Variants in CFAP69 observed in about 807,000 individuals in gnomAD.
CFAP69 encodes cilia- and flagella-associated protein 69.
Under a neutral mutation model 123.0 loss-of-function variants are expected in CFAP69, and 92 were observed. That is an observed-to-expected ratio of 0.75 (90% CI 0.63 to 0.89). The LOEUF (loss-of-function observed/expected upper bound fraction) is 0.89, where lower values mean the gene tolerates loss of function less well. Among genes scored for constraint, CFAP69 ranks in the 40% least tolerant of loss-of-function variants. The pLI, the probability that CFAP69 is intolerant of heterozygous loss-of-function variation, is 0.00. For missense variants in CFAP69, 1,067 were observed against 1,096.9 expected, an observed-to-expected ratio of 0.97 and a Z score of 0.39; for synonymous variants, 380 against 364.3, an observed-to-expected ratio of 1.04 and a Z score of -0.49.
chr7:90,296,285 A>G (rs1325445814), intron 15 of CFAP69, among the ~76,000 whole-genome samples: 2 of 152,112 alleles, frequency 1.3e-5, no homozygotes, highest in East Asian at 1.9e-4. Context: ...TCTGAGCCCA[A>G]TATAATTGAC....
At chr7:90,247,161 T>C (rs1796430304) in intron 1 of CFAP69, among the ~76,000 whole-genome samples, 2 of 152,032 alleles carry the variant, frequency 1.3e-5, no homozygotes, top group Middle Eastern at 3.2e-3. Flanking sequence ...AGCCTTCTTG[T>C]TTTTTGCCTG....
intron 11 of CFAP69, among the ~76,000 whole-genome samples, chr7:90,277,903 C>G (rs1466747869): frequency 2.0e-5 from 3 of 152,026 alleles, no homozygotes; most frequent in Non-Finnish European, 4.4e-5. Flanking sequence ...GAAAAATTAC[C>G]TCGTCTATCT....
chr7:90,306,216 G>A (rs542382933), intron 19 of CFAP69, among the ~76,000 whole-genome samples: 2 of 151,970 alleles, frequency 1.3e-5, no homozygotes, highest in Non-Finnish European at 2.9e-5. Flanking sequence ...TCAGCCCAAA[G>A]ATGAATTTTT....
At chr7:90,299,748 C>T in intron 16 of CFAP69, 119 bp from the exon 17 acceptor site, 4 of 794,358 alleles carry the variant, frequency 5.0e-6, no homozygotes, top group South Asian at 2.2e-5. Flanking sequence ...GGAGATTTTC[C>T]TGACTCTGAG....
chr7:90,289,539 T>C (rs1790806275), intron 15 of CFAP69, among the ~76,000 whole-genome samples: 1 of 152,182 alleles, frequency 6.6e-6, no homozygotes, highest in African/African-American at 2.4e-5. Context: ...TTTTCTGTTA[T>C]ATGTTTGTCA....
At chr7:90,320,132 T>A in the CFAP69 span, among the ~76,000 whole-genome samples, 6 of 152,230 alleles carry the variant, frequency 3.9e-5, no homozygotes, top group Non-Finnish European at 7.3e-5. Flanking sequence ...CCAAGACTCC[T>A]ACCTACCACA....
At chr7:90,291,072 C>T (rs923268217) in intron 15 of CFAP69, among the ~76,000 whole-genome samples, 1 of 151,876 alleles carries the variant, frequency 6.6e-6, no homozygotes, top group Non-Finnish European at 1.5e-5. Context: ...TGATCCAGAC[C>T]GAAAGAGAGG....
At chr7:90,260,532 T>C (rs1022702738) in intron 3 of CFAP69, among the ~76,000 whole-genome samples, 1 of 151,516 alleles carries the variant, frequency 6.6e-6, no homozygotes, top group Non-Finnish European at 1.5e-5. Flanking sequence ...ATCCTGTCTC[T>C]AAAAAAAAGA....
rs17865475 is a variant in CFAP69, at chr7:90,307,778, C to T, written c.2474C>T (p.Thr825Met). The T allele has an allele frequency of 1.0e-3, 1,633 of 1,601,618 alleles. 27 individuals are homozygous for T. The African/African-American group carries it at 0.019, about 18-fold the overall frequency. ...EQKVYAKIQATHKQRELANKS... is the reference protein window; with the variant it reads ...EQKVYAKIQAMHKQRELANKS... ...TCTTTCTCATTTCAGATACAGGCCA[C>T]GCACAAGCAAAGAGAGCTGGCTAAT... The change falls in exon 21 of 23, where the codon ACG (threonine) becomes ATG (methionine). Residue 825 changes from threonine (T) to methionine (M), a missense_variant. Transcript: ENST00000389297.
chr7:90,258,503 C>A (rs1797923874), intron 3 of CFAP69, among the ~76,000 whole-genome samples: 1 of 152,136 alleles, frequency 6.6e-6, no homozygotes, highest in African/African-American at 2.4e-5. Context: ...GTCGTCACAT[C>A]ATCTTCTCTG....
At chr7:90,266,060 AG>A (rs1799118884) in intron 5 of CFAP69, 1 of 152,192 alleles carries the variant, frequency 6.6e-6, no homozygotes, top group African/African-American at 2.4e-5. Flanking sequence ...TTATTTGTAC[AG>A]GAGGAATAAA....
chr7:90,250,219 AG>A (rs1796827660), intron 1 of CFAP69, among the ~76,000 whole-genome samples: 1 of 151,112 alleles, frequency 6.6e-6, no homozygotes, highest in South Asian at 2.1e-4. Context: ...AGAGAGAGAG[AG>A]AGAGAGAGAG....
At chr7:90,307,603 T>G (rs538264545) in intron 20 of CFAP69, among the ~76,000 whole-genome samples, 165 bp from the exon 21 acceptor site, 135 of 152,060 alleles carry the variant, frequency 8.9e-4, no homozygotes, top group African/African-American at 3.1e-3. Context: ...TTCAATGCTG[T>G]TTTTTTGCAT....
intron 15 of CFAP69, among the ~76,000 whole-genome samples, chr7:90,290,327 A>G (rs540372001): frequency 1.6e-4 from 24 of 152,150 alleles, no homozygotes; most frequent in Non-Finnish European, 2.4e-4. Flanking sequence ...CTGAGTGCCA[A>G]TCTGAAAGCT....
In CFAP69 at chr7:90,264,104, AATATATAT is replaced by A. The variant is rs71104454; in HGVS notation, c.357-1158_357-1151del. 7.2e-3 allele frequency among the ~76,000 whole-genome samples: 351 copies of A among 48,720 alleles called. 3 individuals are homozygous for A. Among genetic ancestry groups the A allele is most frequent in the Non-Finnish European group, 0.011 (270 of 24,724 alleles). The allele number at this position is 48,720 out of a possible 152,430, so 32.0% of individuals were successfully genotyped here. On this transcript the variant is annotated intron_variant, in intron 4 of 22. Coordinates refer to ENST00000389297, the MANE Select transcript of CFAP69 (RefSeq NM_001039706.3). The stretch of plus-strand genomic sequence containing the variant: ...AGACTCCATCTCGAAAAAAAAAAAA[AATATATAT>A]ATATATATATATATATATATATATA...
intron 8 of CFAP69, among the ~76,000 whole-genome samples, chr7:90,272,992 T>C (rs896751909): frequency 1.3e-5 from 2 of 152,136 alleles, no homozygotes; most frequent in Admixed American, 6.5e-5. Flanking sequence ...AAGGAGTAAA[T>C]GCCTAAATAA....
intron 9 of CFAP69, among the ~76,000 whole-genome samples, chr7:90,274,509 T>A (rs1694593171): frequency 6.6e-6 from 1 of 152,220 alleles, no homozygotes; most frequent in Non-Finnish European, 1.5e-5. Context: ...TCTTAATTCT[T>A]AAAGTCTATG....
intron 2 of CFAP69, among the ~76,000 whole-genome samples, chr7:90,257,699 A>G (rs1797816527): frequency 6.6e-6 from 1 of 152,168 alleles, no homozygotes; most frequent in Non-Finnish European, 1.5e-5. Context: ...CAAATGACAG[A>G]ATTTCATTCT....
In CFAP69 at chr7:90,263,495, T is replaced by C. The variant is rs138319882; in HGVS notation, c.356+1439T>C. On this transcript the variant is annotated intron_variant, in intron 4 of 22. Coordinates refer to ENST00000389297, the MANE Select transcript of CFAP69 (RefSeq NM_001039706.3). ...TGAAAACTCTTCTGATGCTTTATCTTATAGATTGTGTCCTTTGCTAGAAAA... is the reference window on the plus strand; with the variant it reads ...TGAAAACTCTTCTGATGCTTTATCTCATAGATTGTGTCCTTTGCTAGAAAA... Among the ~76,000 whole-genome samples the C allele has an allele frequency of 6.9e-4, 105 of 152,314 alleles. 2 individuals carry two copies. The East Asian group carries it at 0.019, about 27-fold the overall frequency.
Sources: allele counts gnomAD v4.1 joint callset (sites outside exome capture counted in the v4.1 genomes callset), GRCh38; gene constraint gnomAD v4.1.1; transcripts MANE v1.5; gene names NCBI Gene and HGNC (gene_info 2026-07-23, HGNC 2026-07-21).